The following FLVCR1 variants were observed in gnomAD, a reference collection of about 807,000 sequenced individuals.
The protein encoded by FLVCR1 is FLVCR choline and heme transporter 1.
A neutral mutation model predicts 53.6 loss-of-function variants in FLVCR1; 34 were observed. That is an observed-to-expected ratio of 0.63 (90% CI 0.48 to 0.84). FLVCR1 has a LOEUF of 0.84. Ranked by LOEUF, FLVCR1 falls within the 40% of genes least tolerant of loss-of-function variation. FLVCR1 has a pLI of 0.00. For missense variants in FLVCR1, 677 were observed against 696.7 expected (o/e 0.97, Z 0.32); for synonymous variants, 300 against 286.3 (o/e 1.05, Z -0.48).
intron 3 of FLVCR1, among the ~76,000 whole-genome samples, chr1:212,881,859 G>A (rs192868043): frequency 2.2e-4 from 34 of 152,244 alleles, no homozygotes; most frequent in African/African-American, 7.5e-4. Context: ...ATCAGAAAGA[G>A]CAAACAATCC....
chr1:212,875,088 G>A (rs761527663), intron 3 of FLVCR1, among the ~76,000 whole-genome samples: 2 of 151,850 alleles, frequency 1.3e-5, no homozygotes, highest in Non-Finnish European at 2.9e-5. Flanking sequence ...GTTCATTTTC[G>A]TGTTCATTCT....
intron 3 of FLVCR1, among the ~76,000 whole-genome samples, chr1:212,879,436 A>T (rs191391901): frequency 6.6e-5 from 10 of 152,166 alleles, no homozygotes; most frequent in Non-Finnish European, 1.2e-4. Flanking sequence ...CTTGTGGGAT[A>T]CTCTGGATAA....
chr1:212,882,528 A>G (rs1389570670), intron 3 of FLVCR1, among the ~76,000 whole-genome samples: 1 of 152,214 alleles, frequency 6.6e-6, no homozygotes, highest in African/African-American at 2.4e-5. Context: ...AAAAGTCTGA[A>G]AAATGAATCT....
Position 212,895,587 on chromosome 1 carries a change from A to G in FLVCR1, c.*297A>G. ...AAGCTTCTTGACGTTTACTTTTTAA[A>G]AGTCGATGTTTTTCTTTTTTGTAGA... On this transcript the variant is annotated 3_prime_UTR_variant, in exon 10 of 10. Transcript: ENST00000366971. 5.2e-6 allele frequency: 2 copies of G among 387,616 alleles called. No homozygotes were observed. The highest frequency in any genetic ancestry group is 1.2e-4 in the East Asian group (2 of 17,272). 24.0% of individuals were successfully genotyped at this position (387,616 alleles called of 1,614,324 possible). A position where few individuals can be genotyped will look rare whatever the true frequency, so the allele number is the denominator to read the frequency against.
At chr1:212,874,526 C>CTTTTTTTTTTTTTTTTTTTTT (rs61497441) in intron 3 of FLVCR1, among the ~76,000 whole-genome samples, 1 of 120,880 alleles carries the variant, frequency 8.3e-6, no homozygotes, top group African/African-American at 3.2e-5. Context: ...TTCTTTTTTT[C>CTTTTTTTTTTTTTTTTTTTTT]TTTTTTTTTT....
rs140361986 is a variant in FLVCR1, at chr1:212,878,803, A to G, written c.1025-4568A>G. 1.6e-4 allele frequency among the ~76,000 whole-genome samples: 25 copies of G among 152,186 alleles called. No individual in the cohort carries two copies. In the East Asian group the frequency reaches 3.9e-3, roughly 24 times the overall value. On this transcript the variant is annotated intron_variant, in intron 3 of 9. Coordinates refer to ENST00000366971, the MANE Select transcript of FLVCR1 (RefSeq NM_014053.4). Reference sequence around the variant, plus strand: ...TAAAGGGAGACCTGCATCCTAGGCAATGTGGCAAAACCTCATCTCTACAAA... The same window carrying G: ...TAAAGGGAGACCTGCATCCTAGGCAGTGTGGCAAAACCTCATCTCTACAAA...
chr1:212,863,603 A>C, intron 1 of FLVCR1, 122 bp from the exon 2 acceptor site: 1 of 890,602 alleles, frequency 1.1e-6, no homozygotes, highest in Admixed American at 2.2e-5. Flanking sequence ...AAAAGAACAT[A>C]ATAGTTTAAT....
At chr1:212,881,640 C>T (rs541966860) in intron 3 of FLVCR1, among the ~76,000 whole-genome samples, 112 of 152,152 alleles carry the variant, frequency 7.4e-4, no homozygotes, top group African/African-American at 2.4e-3. Context: ...GGATTACACG[C>T]GTGAGCCACT....
At chr1:212,877,596 T>C (rs1264453358) in intron 3 of FLVCR1, among the ~76,000 whole-genome samples, 1 of 152,060 alleles carries the variant, frequency 6.6e-6, no homozygotes, top group African/African-American at 2.4e-5. Context: ...TTAAATTCCT[T>C]GTAGACTCTG....
At chr1:212,883,528 G>A (rs566032708) in intron 4 of FLVCR1, 90 bp downstream of exon 4, 102 of 713,474 alleles carry the variant, frequency 1.4e-4, no homozygotes, top group Non-Finnish European at 2.3e-4. Flanking sequence ...GAGATTAAGG[G>A]TTATGACATT....
intron 5 of FLVCR1, 156 bp downstream of exon 5, chr1:212,885,552 T>A (rs1665038549): frequency 9.2e-6 from 3 of 327,388 alleles, no homozygotes; most frequent in Admixed American, 4.7e-5. Context: ...AAGTGTTTCT[T>A]TTTTTTTTTT....
At chr1:212,889,698 C>T (rs1665141175) in intron 8 of FLVCR1, among the ~76,000 whole-genome samples, 1 of 143,844 alleles carries the variant, frequency 7.0e-6, no homozygotes, top group East Asian at 2.0e-4. Flanking sequence ...ACAGAGGTTG[C>T]AGTGAGCCAA....
chr1:212,885,546 G>GTTTATTT (rs1176689781), intron 5 of FLVCR1, 150 bp downstream of exon 5: 41 of 289,658 alleles, frequency 1.4e-4, no homozygotes, highest in East Asian at 3.6e-4. Context: ...CTTAACAAGT[G>GTTTATTT]TTTCTTTTTT....
At chr1:212,891,458 G>A (rs1320242193) in intron 8 of FLVCR1, among the ~76,000 whole-genome samples, 4 of 151,716 alleles carry the variant, frequency 2.6e-5, no homozygotes, top group Non-Finnish European at 4.4e-5. Flanking sequence ...AAAAAAAACA[G>A]TATTATTGTT....
chr1:212,866,158 T>C (rs1034857993), intron 2 of FLVCR1, among the ~76,000 whole-genome samples: 3 of 152,104 alleles, frequency 2.0e-5, no homozygotes, highest in African/African-American at 7.2e-5. Flanking sequence ...CTAATTTTTG[T>C]ATTTTTAGTA....
intron 8 of FLVCR1, among the ~76,000 whole-genome samples, chr1:212,892,976 C>G (rs1665231477): frequency 6.6e-6 from 1 of 151,398 alleles, no homozygotes; most frequent in South Asian, 2.1e-4. Flanking sequence ...AACAAGAGAA[C>G]TGGAATTAGA....
intron 9 of FLVCR1, 54 bp from the exon 10 acceptor site, chr1:212,895,157 CTGTTA>C (rs564885261): frequency 2.3e-5 from 33 of 1,433,748 alleles, no homozygotes; most frequent in Admixed American, 5.0e-5. Context: ...AACTGTTGAT[CTGTTA>C]TAATAGGATA....
intron 3 of FLVCR1, among the ~76,000 whole-genome samples, chr1:212,880,974 A>G (rs1423380042): frequency 6.6e-6 from 1 of 152,212 alleles, no homozygotes; most frequent in Non-Finnish European, 1.5e-5. Flanking sequence ...ACTAAGGCAG[A>G]AAACAGGGAA....
chr1:212,858,317 G>C lies in FLVCR1; in HGVS notation c.-136G>C. On this transcript the variant is annotated 5_prime_UTR_variant, in exon 1 of 10. Transcript: ENST00000366971. ...CGCGGTAGCGCGGATTGCGGTTCGCGGCGCGCGCCACCGGGGAAGGAGCGG... is the reference window on the plus strand; with the variant it reads ...CGCGGTAGCGCGGATTGCGGTTCGCCGCGCGCGCCACCGGGGAAGGAGCGG... The C allele has an allele frequency of 1.1e-6, 1 of 905,294 alleles. No homozygotes were observed. The highest frequency in any genetic ancestry group is 1.6e-6 in the Non-Finnish European group (1 of 632,564). The allele number at this position is 905,294 out of a possible 1,614,324, so 56.1% of individuals were successfully genotyped here.
Sources: gnomAD v4.1 joint callset for allele counts (sites outside exome capture counted in the v4.1 genomes callset) on GRCh38, gnomAD v4.1.1 for gene constraint, MANE v1.5 for transcripts, NCBI Gene and HGNC (gene_info 2026-07-23, HGNC 2026-07-21) for gene names.